PKD1L3: variants seen among roughly 807,000 people sequenced by gnomAD.
The protein encoded by PKD1L3 is polycystin-1-like protein 3.
Under a neutral mutation model 184.1 loss-of-function variants are expected in PKD1L3, and 239 were observed. The observed-to-expected ratio is 1.30, with a 90% CI of 1.17 to 1.45. PKD1L3 has a LOEUF of 1.45. PKD1L3 is among the 40% of genes most tolerant of loss of function. The pLI is 0.00. For synonymous variants in PKD1L3, 996 were observed against 778.8 expected (o/e 1.28, Z -4.64); for missense variants, 2,660 against 2,067.2 (o/e 1.29, Z -5.56).
intron 16 of PKD1L3, among the ~76,000 whole-genome samples, chr16:71,959,690 G>A (rs770361534): frequency 6.6e-6 from 1 of 152,060 alleles, no homozygotes; most frequent in Non-Finnish European, 1.5e-5. Context: ...TGGAGAAAAA[G>A]TGTGTTAAAA....
chr16:71,993,086 G>C (rs2040652258), intron 3 of PKD1L3, 130 bp downstream of exon 3: 1 of 627,840 alleles, frequency 1.6e-6, no homozygotes, highest in South Asian at 2.7e-5. Flanking sequence ...ATTAAGATCA[G>C]ACAGAATAGA....
chr16:71,987,173 T>C (rs895378646), intron 4 of PKD1L3, among the ~76,000 whole-genome samples: 1 of 151,816 alleles, frequency 6.6e-6, no homozygotes, highest in Admixed American at 6.6e-5. Context: ...TCCACCCACC[T>C]TGGCCTCCCA....
intron 11 of PKD1L3, among the ~76,000 whole-genome samples, chr16:71,976,463 A>G (rs1315318166): frequency 6.8e-6 from 1 of 147,098 alleles, no homozygotes; most frequent in African/African-American, 2.5e-5. Flanking sequence ...CATCATGTTG[A>G]CCAGGCTGGT....
At position 71,952,997 on chromosome 16, in the gene PKD1L3, G is replaced by C; in HGVS notation, c.2906C>G (p.Pro969Arg). ...PINLVIGRLF[P>R]LIEPQETLPL... is the part of the protein sequence containing the mutation. ...CAGAGTCTCCTGTGGCTCAATCAAC[G>C]GGAAGAGCCGCCCTATGACAAGATT... Residue 969 changes from proline (P) to arginine (R), a missense_variant, in exon 18 of 30, where the codon CCG becomes CGG. Physicochemically the swap from Pro to Arg is moderately radical, Grantham distance 103. Transcript: ENST00000620267. 3.2e-6 allele frequency: 5 copies of C among 1,549,294 alleles called. No individual in the cohort carries two copies. Among genetic ancestry groups the C allele is most frequent in the Non-Finnish European group, 3.5e-6 (4 of 1,146,018 alleles).
chr16:71,969,102 T>C (rs1342760495), intron 13 of PKD1L3, among the ~76,000 whole-genome samples: 2 of 151,276 alleles, frequency 1.3e-5, no homozygotes, highest in East Asian at 3.9e-4. Flanking sequence ...GGCTAATTTT[T>C]GTATTTTTAG....
rs372942015 is a variant in PKD1L3, at chr16:71,967,972, G to T, written c.2220C>A (p.Ser740Arg). The change falls in exon 14 of 30, where the codon AGC becomes AGA. Residue 740 changes from serine (S) to arginine (R), a missense_variant. Ser to Arg is a moderately radical substitution (Grantham distance 110). Coordinates refer to ENST00000620267, the MANE Select transcript of PKD1L3 (RefSeq NM_181536.2). ...CCTGAATAAGGTAGTGAAATTGAGC[G>T]CTGGGGTCATTATCAGCCAGGACAG... ...KVTVLADNDP[S>R]AQFHYLIQVY... The T allele has an allele frequency of 1.1e-4, 169 of 1,551,482 alleles. No homozygotes were observed. The highest frequency in any genetic ancestry group is 8.6e-4 in the African/African-American group (63 of 73,124).
In PKD1L3 at chr16:71,998,599, C is replaced by T. The variant is rs540849319; in HGVS notation, c.296-205G>A. On this transcript the variant is annotated intron_variant, in intron 1 of 29. Coordinates refer to ENST00000620267, the MANE Select transcript of PKD1L3 (RefSeq NM_181536.2). ...CCAAGTAGCTGGGATTACAGGCACC[C>T]GCCACCACGCCCAGCTAATTTTTGT... 1.7e-4 allele frequency among the ~76,000 whole-genome samples: 26 copies of T among 152,162 alleles called. No homozygotes were observed. In the East Asian group the frequency reaches 2.9e-3, roughly 17 times the overall value.
intron 9 of PKD1L3, among the ~76,000 whole-genome samples, chr16:71,978,983 A>G (rs117077454): frequency 5.4e-4 from 83 of 152,332 alleles, no homozygotes; most frequent in Admixed American, 8.5e-4. Context: ...TTTAATCTTT[A>G]TATCTAGAGG....
intron 2 of PKD1L3, among the ~76,000 whole-genome samples, chr16:71,993,606 C>G (rs1295785297): frequency 6.6e-6 from 1 of 152,114 alleles, no homozygotes. Flanking sequence ...GAACACTAGG[C>G]ATGTGGAGTT....
rs562920819 is a variant in PKD1L3, at chr16:71,967,125, A to G, written c.2465+12T>C. 75 of 1,550,418 alleles carry G rather than the reference A, an allele frequency of 4.8e-5. 1 individual carries two copies. In the South Asian group the frequency reaches 6.9e-4, roughly 14 times the overall value. On this transcript the variant is annotated intron_variant, in intron 15 of 29. Transcript: ENST00000620267. ...AAGCAGCAGCAACAGCCAACAGGATATAAGTACTCACCAGGAGGGACTGAC... is the reference window on the plus strand; with the variant it reads ...AAGCAGCAGCAACAGCCAACAGGATGTAAGTACTCACCAGGAGGGACTGAC...
intron 15 of PKD1L3, among the ~76,000 whole-genome samples, 196 bp downstream of exon 15, chr16:71,966,941 C>CA (rs1241990479): frequency 2.0e-5 from 3 of 151,800 alleles, no homozygotes; most frequent in Non-Finnish European, 4.4e-5. Context: ...TTCTACTATC[C>CA]AAAAAAAATC....
intron 2 of PKD1L3, among the ~76,000 whole-genome samples, chr16:71,997,870 G>C (rs1597385061): frequency 6.6e-6 from 1 of 152,170 alleles, no homozygotes; most frequent in East Asian, 1.9e-4. Context: ...GCGAACCTCG[G>C]ATAACAGCCC....
chr16:71,957,349 A>C (rs1331699489), intron 16 of PKD1L3, among the ~76,000 whole-genome samples: 1 of 152,192 alleles, frequency 6.6e-6, no homozygotes, highest in Non-Finnish European at 1.5e-5. Flanking sequence ...GGCAGATATA[A>C]ACCTTACCTT....
chr16:71,940,162 AC>A (rs2038312232), intron 24 of PKD1L3, among the ~76,000 whole-genome samples: 1 of 152,074 alleles, frequency 6.6e-6, no homozygotes, highest in Non-Finnish European at 1.5e-5. Flanking sequence ...TTCCTCCCTC[AC>A]CATTCACAAC....
At chr16:71,985,637 G>T (rs1365487616) in intron 5 of PKD1L3, among the ~76,000 whole-genome samples, 2 of 152,114 alleles carry the variant, frequency 1.3e-5, no homozygotes, top group East Asian at 3.8e-4. Context: ...GTCTCATAAA[G>T]TTGCCTAAGC....
chr16:71,983,899 G>T, intron 6 of PKD1L3, 137 bp downstream of exon 6: 1 of 1,222,732 alleles, frequency 8.2e-7, no homozygotes, highest in Non-Finnish European at 1.1e-6. Flanking sequence ...CTGGCCTCAT[G>T]TGATCCGCCC....
intron 25 of PKD1L3, 31 bp from the exon 26 acceptor site, chr16:71,935,549 T>C: frequency 6.5e-7 from 1 of 1,544,984 alleles, no homozygotes; most frequent in Non-Finnish European, 8.8e-7. Flanking sequence ...CACTGTTGCT[T>C]GTCTGAGAGA....
intron 11 of PKD1L3, among the ~76,000 whole-genome samples, 191 bp downstream of exon 11, chr16:71,977,045 C>CA (rs1360558607): frequency 6.6e-6 from 1 of 152,182 alleles, no homozygotes; most frequent in Non-Finnish European, 1.5e-5. Flanking sequence ...GCCCGGCCCA[C>CA]AAAATTTTTT....
chr16:71,929,546 G>C lies in PKD1L3; in HGVS notation c.5191C>G (p.Leu1731Val). The part of the protein sequence containing the change: ...VGSDTEVLDE[L>V]P ...AGTAGGAGATAACAGGATTAAGGTA[G>C]TTCATCTAAAACTTCAGTGTCACTG... The change falls in exon 30 of 30, where the codon CTA becomes GTA. Residue 1731 changes from leucine (L) to valine (V), a missense_variant. By Grantham distance (32) the Leu-to-Val change is conservative (BLOSUM62 1). Transcript: ENST00000620267. The C allele has an allele frequency of 6.4e-7, 1 of 1,550,562 alleles. No individual in the cohort carries two copies. The highest frequency in any genetic ancestry group is 8.7e-7 in the Non-Finnish European group (1 of 1,146,696).
Sources: gnomAD v4.1 joint callset for allele counts (sites outside exome capture counted in the v4.1 genomes callset) on GRCh38, gnomAD v4.1.1 for gene constraint, MANE v1.5 for transcripts, NCBI Gene and HGNC (gene_info 2026-07-23, HGNC 2026-07-21) for gene names.